The following LRRC4C variants were observed in gnomAD, a reference collection of about 807,000 sequenced individuals.
LRRC4C encodes the protein leucine-rich repeat-containing protein 4C.
In LRRC4C, 5 loss-of-function variants were observed where a neutral mutation model predicts 33.6. That is an observed-to-expected ratio of 0.15 (90% confidence interval 0.08 to 0.31). The LOEUF is 0.31. Ranked by LOEUF, LRRC4C falls within the 10% of genes least tolerant of loss-of-function variation. The pLI is 1.00. For synonymous variants in LRRC4C, 329 were observed against 302.0 expected (o/e 1.09, Z -0.93); for missense variants, 560 against 796.7 (o/e 0.70, Z 3.58).
intron 3 of LRRC4C, among the ~76,000 whole-genome samples, chr11:40,418,022 T>C (rs2137708832): frequency 6.7e-6 from 1 of 148,902 alleles, no homozygotes; most frequent in African/African-American, 2.4e-5. Context: ...TTTCCCTTGG[T>C]GAAAGAGCAA....
At chr11:40,700,628 G>A (rs1024916397) in intron 2 of LRRC4C, among the ~76,000 whole-genome samples, 3 of 152,070 alleles carry the variant, frequency 2.0e-5, no homozygotes, top group Non-Finnish European at 2.9e-5. Flanking sequence ...AAAGGACAAA[G>A]TTAGCTAAAT....
At chr11:40,291,248 C>T (rs1223449649) in intron 4 of LRRC4C, among the ~76,000 whole-genome samples, 1 of 152,106 alleles carries the variant, frequency 6.6e-6, no homozygotes, top group Non-Finnish European at 1.5e-5. Context: ...ATCCTACAGG[C>T]GCTCAGACTT....
intron 1 of LRRC4C, among the ~76,000 whole-genome samples, chr11:41,314,709 G>A (rs1231013384): frequency 2.0e-5 from 3 of 151,968 alleles, no homozygotes; most frequent in Non-Finnish European, 1.5e-5. Context: ...ATGATGAGTT[G>A]ATGGGTGCAG....
rs189419604 is a variant in LRRC4C, at chr11:40,452,949, C to T, written c.-269-133228G>A. On this transcript the variant is annotated intron_variant, in intron 3 of 6. Transcript: ENST00000528697. ...CGCAAGGATAAGAAACCAAACACCG[C>T]ATGTTCTCACTCATCGGTGGGAATC... Among the ~76,000 whole-genome samples the T allele has an allele frequency of 4.9e-3, 735 of 149,460 alleles. 4 individuals carry two copies. Among genetic ancestry groups the T allele is most frequent in the African/African-American group, 0.017 (701 of 40,518 alleles).
chr11:41,109,349 AC>A (rs1941696055), intron 1 of LRRC4C, among the ~76,000 whole-genome samples: 1 of 152,084 alleles, frequency 6.6e-6, no homozygotes, highest in South Asian at 2.1e-4. Context: ...CTATAAAATC[AC>A]AAATCAAGCA....
intron 1 of LRRC4C, among the ~76,000 whole-genome samples, chr11:41,007,492 A>T (rs939209252): frequency 6.6e-6 from 1 of 152,090 alleles, no homozygotes; most frequent in Non-Finnish European, 1.5e-5. Flanking sequence ...ATTTTAATGC[A>T]CATATGTTTG....
chr11:40,916,764 AG>A (rs1253863554), intron 2 of LRRC4C, among the ~76,000 whole-genome samples: 4 of 152,112 alleles, frequency 2.6e-5, no homozygotes, highest in African/African-American at 7.2e-5. Context: ...ATGTCTAGTA[AG>A]ACACAATGAC....
At chr11:40,192,986 G>A (rs879417047) in intron 5 of LRRC4C, among the ~76,000 whole-genome samples, 40 of 152,126 alleles carry the variant, frequency 2.6e-4, no homozygotes, top group Non-Finnish European at 3.7e-4. Context: ...CCATCTCCCT[G>A]GGACGGAGCA....
At chr11:40,287,997 T>C (rs376148568) in intron 4 of LRRC4C, among the ~76,000 whole-genome samples, 13 of 152,364 alleles carry the variant, frequency 8.5e-5, no homozygotes, top group African/African-American at 3.1e-4. Flanking sequence ...TCTGCAAATC[T>C]AAACTAAAAT....
At chr11:40,130,534 A>G (rs1038619323) in intron 6 of LRRC4C, among the ~76,000 whole-genome samples, 1 of 152,186 alleles carries the variant, frequency 6.6e-6, no homozygotes, top group African/African-American at 2.4e-5. Flanking sequence ...AAGAAAGCAT[A>G]GCCCATCAAT....
intron 1 of LRRC4C, among the ~76,000 whole-genome samples, chr11:41,353,771 C>A (rs1160940484): frequency 6.6e-6 from 1 of 152,106 alleles, no homozygotes; most frequent in African/African-American, 2.4e-5. Context: ...AAACAAAAAT[C>A]ACATGATAAT....
intron 3 of LRRC4C, among the ~76,000 whole-genome samples, chr11:40,483,822 T>C (rs540311233): frequency 9.3e-5 from 14 of 151,160 alleles, no homozygotes; most frequent in Admixed American, 2.7e-4. Flanking sequence ...TGTATATACA[T>C]ATATATATAG....
intron 4 of LRRC4C, among the ~76,000 whole-genome samples, chr11:40,284,512 T>C (rs1383912368): frequency 6.6e-6 from 1 of 152,070 alleles, no homozygotes; most frequent in Non-Finnish European, 1.5e-5. Context: ...ATAAAGAGGA[T>C]GTTCAGCATT....
chr11:41,139,481 G>C (rs1055752795), intron 1 of LRRC4C, among the ~76,000 whole-genome samples: 7 of 152,320 alleles, frequency 4.6e-5, no homozygotes, highest in African/African-American at 1.4e-4. Flanking sequence ...ATATTGAAGA[G>C]ACTATTGAAA....
At chr11:41,203,053 T>G (rs914451240) in intron 1 of LRRC4C, among the ~76,000 whole-genome samples, 13 of 152,342 alleles carry the variant, frequency 8.5e-5, no homozygotes, top group African/African-American at 3.1e-4. Context: ...CCCAAGGTGC[T>G]GGGATAACAG....
chr11:40,626,133 C>T (rs1962905182), intron 3 of LRRC4C, among the ~76,000 whole-genome samples: 1 of 152,134 alleles, frequency 6.6e-6, no homozygotes, highest in African/African-American at 2.4e-5. Context: ...CTGATGCAAC[C>T]ATCTTTGCTC....
At chr11:41,178,547 G>A (rs1383981409) in intron 1 of LRRC4C, among the ~76,000 whole-genome samples, 2 of 152,002 alleles carry the variant, frequency 1.3e-5, no homozygotes, top group Non-Finnish European at 2.9e-5. Flanking sequence ...TGTAGAAACA[G>A]GGTCTTGCCA....
At chr11:40,441,072 A>C (rs1951373326) in intron 3 of LRRC4C, among the ~76,000 whole-genome samples, 2 of 152,132 alleles carry the variant, frequency 1.3e-5, no homozygotes, top group Non-Finnish European at 2.9e-5. Context: ...TTGTTGGGGA[A>C]GCACTCCTCC....
chr11:41,055,136 A>G (rs1270629099), intron 1 of LRRC4C, among the ~76,000 whole-genome samples: 2 of 152,042 alleles, frequency 1.3e-5, no homozygotes, highest in Non-Finnish European at 2.9e-5. Context: ...CATTATCCTG[A>G]CTTATAATAC....
Sources: allele counts gnomAD v4.1 joint callset (sites outside exome capture counted in the v4.1 genomes callset), GRCh38; gene constraint gnomAD v4.1.1; transcripts MANE v1.5; gene names NCBI Gene and HGNC (gene_info 2026-07-23, HGNC 2026-07-21).